Variants in PPP3CA observed in about 807,000 individuals in gnomAD.
The protein encoded by PPP3CA is protein phosphatase 3 catalytic subunit alpha, also known as CAM-PRP catalytic subunit.
Under a neutral mutation model 66.5 loss-of-function variants are expected in PPP3CA, and 14 were observed. The observed-to-expected ratio is 0.21, with a 90% CI of 0.14 to 0.33. PPP3CA has a LOEUF of 0.33. Ranked by LOEUF, PPP3CA falls within the 10% of genes least tolerant of loss-of-function variation. The pLI, the probability that PPP3CA is intolerant of heterozygous loss-of-function variation, is 1.00. For missense variants in PPP3CA, 317 were observed against 639.5 expected (o/e 0.50, Z 5.44); for synonymous variants, 232 against 226.2 (o/e 1.03, Z -0.23).
intron 2 of PPP3CA, among the ~76,000 whole-genome samples, chr4:101,115,292 T>A (rs1257580920): frequency 6.6e-6 from 1 of 151,922 alleles, no homozygotes; most frequent in African/African-American, 2.4e-5. Flanking sequence ...AAGAGGCCTT[T>A]GAGAATAGAA....
intron 2 of PPP3CA, among the ~76,000 whole-genome samples, chr4:101,151,531 C>T (rs1473687432): frequency 7.4e-6 from 1 of 134,760 alleles, no homozygotes; most frequent in Admixed American, 7.8e-5. Flanking sequence ...TGCACTCCAA[C>T]ATGGGTCACA....
intron 1 of PPP3CA, among the ~76,000 whole-genome samples, chr4:101,314,680 T>G (rs145741262): frequency 6.6e-6 from 1 of 151,974 alleles, no homozygotes; most frequent in Non-Finnish European, 1.5e-5. Flanking sequence ...CATCTGATCT[T>G]AAATAATTTA....
At chr4:101,124,344 G>A (rs183929646) in intron 2 of PPP3CA, among the ~76,000 whole-genome samples, 9 of 152,206 alleles carry the variant, frequency 5.9e-5, no homozygotes, top group Non-Finnish European at 1.0e-4. Context: ...TGTTGGGCTG[G>A]GTGTGGTGGC....
chr4:101,116,026 A>C (rs1721827935), intron 2 of PPP3CA, among the ~76,000 whole-genome samples: 1 of 152,032 alleles, frequency 6.6e-6, no homozygotes, highest in African/African-American at 2.4e-5. Context: ...CTGTGTCAAT[A>C]CTACGATTTA....
intron 2 of PPP3CA, among the ~76,000 whole-genome samples, chr4:101,155,677 CTT>C (rs5860659): frequency 0.54 from 81,715 of 151,514 alleles, 24,312 homozygotes; most frequent in African/African-American, 0.8. Context: ...TAAAAGATTC[CTT>C]TTTGTTTTAA....
intron 3 of PPP3CA, among the ~76,000 whole-genome samples, chr4:101,105,288 T>C (rs1730614298): frequency 6.6e-6 from 1 of 150,978 alleles, no homozygotes; most frequent in Non-Finnish European, 1.5e-5. Context: ...TGCCTCAGCC[T>C]CCGGAGTAGC....
intron 9 of PPP3CA, 119 bp downstream of exon 9, chr4:101,063,113 T>C (rs1349117063): frequency 8.0e-7 from 1 of 1,257,094 alleles, no homozygotes; most frequent in Non-Finnish European, 1.1e-6. Context: ...ACATCTTTCA[T>C]TGTACAACTT....
At chr4:101,154,281 T>G (rs1041880056) in intron 2 of PPP3CA, among the ~76,000 whole-genome samples, 3 of 152,198 alleles carry the variant, frequency 2.0e-5, no homozygotes, top group Non-Finnish European at 4.4e-5. Flanking sequence ...AAAAGTCAGG[T>G]ATTCTACCAG....
chr4:101,093,624 T>C, intron 6 of PPP3CA, 152 bp downstream of exon 6: 1 of 762,354 alleles, frequency 1.3e-6, no homozygotes, highest in Non-Finnish European at 1.9e-6. Flanking sequence ...CACTTATTCA[T>C]TTATTTATAT....
chr4:101,084,477 A>G (rs1217054825), intron 6 of PPP3CA, among the ~76,000 whole-genome samples: 1 of 151,900 alleles, frequency 6.6e-6, no homozygotes, highest in Non-Finnish European at 1.5e-5. Context: ...CCTGTCTCTT[A>G]CTAAAAATAC....
intron 2 of PPP3CA, among the ~76,000 whole-genome samples, chr4:101,160,493 T>C (rs1057081543): frequency 6.6e-6 from 1 of 152,134 alleles, no homozygotes; most frequent in African/African-American, 2.4e-5. Flanking sequence ...AGTCCGATCA[T>C]GGTAAATGCA....
At chr4:101,130,378 C>T (rs868022029) in intron 2 of PPP3CA, among the ~76,000 whole-genome samples, 4 of 152,124 alleles carry the variant, frequency 2.6e-5, no homozygotes, top group Non-Finnish European at 4.4e-5. Flanking sequence ...AGGCCAACAT[C>T]CAAATTCAGG....
At chr4:101,143,681 T>C (rs1369516171) in intron 2 of PPP3CA, among the ~76,000 whole-genome samples, 1 of 152,212 alleles carries the variant, frequency 6.6e-6, no homozygotes, top group African/African-American at 2.4e-5. Context: ...CTTTGATTTT[T>C]CATTAATTGC....
intron 10 of PPP3CA, among the ~76,000 whole-genome samples, chr4:101,053,819 T>C (rs112747290): frequency 6.6e-6 from 1 of 152,064 alleles, no homozygotes; most frequent in Non-Finnish European, 1.5e-5. Context: ...TCATAAGTCC[T>C]CGGAAAGGTC....
At chr4:101,121,705 T>C (rs1432762853) in intron 2 of PPP3CA, among the ~76,000 whole-genome samples, 3 of 152,120 alleles carry the variant, frequency 2.0e-5, no homozygotes, top group African/African-American at 7.2e-5. Flanking sequence ...TTTTTGAACT[T>C]GTTGGGAAGA....
intron 8 of PPP3CA, among the ~76,000 whole-genome samples, chr4:101,074,315 C>T (rs1271383792): frequency 5.3e-5 from 8 of 152,114 alleles, no homozygotes; most frequent in Non-Finnish European, 1.2e-4. Flanking sequence ...AAGATCTGAG[C>T]TAGCTGATTC....
intron 2 of PPP3CA, among the ~76,000 whole-genome samples, chr4:101,131,417 GAAAGA>G (rs1438243226): frequency 5.6e-4 from 54 of 96,118 alleles, no homozygotes; most frequent in Non-Finnish European, 8.7e-4. Context: ...CAAGCAAATA[GAAAGA>G]AAAAAAAAAA....
chr4:101,212,211 G>C (rs1725318876), intron 1 of PPP3CA, among the ~76,000 whole-genome samples: 1 of 151,944 alleles, frequency 6.6e-6, no homozygotes, highest in African/African-American at 2.4e-5. Context: ...AAAGCCCTAA[G>C]TATTAAGTAA....
At chr4:101,208,656 T>A (rs1725212444) in intron 1 of PPP3CA, among the ~76,000 whole-genome samples, 2 of 152,246 alleles carry the variant, frequency 1.3e-5, no homozygotes, top group African/African-American at 4.8e-5. Flanking sequence ...TAATACAATT[T>A]CAATATACTC....
Sources: gnomAD v4.1 joint callset for allele counts (sites outside exome capture counted in the v4.1 genomes callset) on GRCh38, gnomAD v4.1.1 for gene constraint, MANE v1.5 for transcripts, NCBI Gene and HGNC (gene_info 2026-07-23, HGNC 2026-07-21) for gene names.